The following SYNE2 variants were observed in gnomAD, a reference collection of about 807,000 sequenced individuals.
SYNE2 encodes nesprin-2.
Under a neutral mutation model 856.3 loss-of-function variants are expected in SYNE2, and 431 were observed. The ratio of observed to expected loss-of-function variants is 0.50; its 90% CI spans 0.47 to 0.55. The LOEUF is 0.55. Among genes scored for constraint, SYNE2 ranks in the 20% least tolerant of loss-of-function variants. The pLI, the probability that SYNE2 is intolerant of heterozygous loss-of-function variation, is 0.00. For synonymous variants in SYNE2, 2,923 were observed against 2,872.3 expected, an observed-to-expected ratio of 1.02 and a Z score of -0.56; for missense variants, 8,129 against 8,023.2, an observed-to-expected ratio of 1.01 and a Z score of -0.50.
chr14:64,078,374 A>G lies in SYNE2; in HGVS notation c.11023-92A>G, dbSNP rs371192227. 774 of 1,571,062 alleles carry G rather than the reference A, an allele frequency of 4.9e-4. 15 individuals are homozygous for G. In the South Asian group the frequency reaches 8.2e-3, roughly 17 times the overall value. ...AGCCCTTAAAAAATTTTTACAAGTTAAAACAGAGTGACTACCACTTTTGTT... is the reference window on the plus strand; with the variant it reads ...AGCCCTTAAAAAATTTTTACAAGTTGAAACAGAGTGACTACCACTTTTGTT... On this transcript the variant is annotated intron_variant, in intron 54 of 115. Coordinates refer to ENST00000555002, the MANE Select transcript of SYNE2 (RefSeq NM_182914.3).
chr14:64,220,581 C>G lies in SYNE2; in HGVS notation c.20005C>G (p.Gln6669Glu), dbSNP rs984688166. ...GCTGAGCCTGCTCTGGGAAGCAGCA[C>G]AGGGCGCAGTGGACAGCTGGAGAGG... Reference protein sequence around the residue: ...RQLSLLWEAAQGAVDSWRGGL... With the variant: ...RQLSLLWEAAEGAVDSWRGGL... Residue 6669 changes from glutamine (Q) to glutamate (E), a missense_variant, in exon 111 of 116, where the codon CAG becomes GAG. Physicochemically the swap from Gln to Glu is conservative, Grantham distance 29 (BLOSUM62 2). Around this residue, in one of 3 missense-constraint regions of SYNE2, gnomAD observed 5,410 missense variants for 5,284.8 expected, o/e 1.02. Transcript: ENST00000555002. 18 of 1,614,224 alleles carry G rather than the reference C, an allele frequency of 1.1e-5. No homozygotes were observed. Among genetic ancestry groups the G allele is most frequent in the Non-Finnish European group, 1.4e-5 (17 of 1,180,042 alleles).
intron 43 of SYNE2, among the ~76,000 whole-genome samples, chr14:64,029,485 T>G (rs2097013742): frequency 6.6e-6 from 1 of 152,206 alleles, no homozygotes; most frequent in Non-Finnish European, 1.5e-5. Context: ...TGAGGTTAGT[T>G]TGATCTCATA....
chr14:63,786,028 A>G (rs749002626), intron 1 of SYNE2, among the ~76,000 whole-genome samples: 1 of 152,134 alleles, frequency 6.6e-6, no homozygotes, highest in Non-Finnish European at 1.5e-5. Flanking sequence ...AGATGGGCGG[A>G]TCATCTGAGG....
Position 64,022,831 on chromosome 14 carries a change from AAG to A in SYNE2, c.5608_5609del (p.Ser1870CysfsTer10). The A allele has an allele frequency of 6.2e-7, 1 of 1,609,164 alleles. No individual in the cohort carries two copies. Among genetic ancestry groups the A allele is most frequent in the Non-Finnish European group, 8.5e-7 (1 of 1,175,946 alleles). The part of the protein sequence containing the change: ...KECFESSETK[K>X]SVEQKLQKLS... The stretch of plus-strand genomic sequence containing the variant: ...GTGTTTTGAATCATCAGAAACAAAA[AAG>A]AGTGTGGAACAAAAGCTACAAAAAC... On this transcript the variant is annotated frameshift_variant, in exon 38 of 116. Transcript: ENST00000555002. LOFTEE classifies it high-confidence loss of function.
rs745497222 is a variant in SYNE2 at position 64,212,831 on chromosome 14, A to T, written c.18882A>T (p.Thr6294=). The T allele has an allele frequency of 1.2e-6, 2 of 1,614,250 alleles. No homozygotes were observed. Among genetic ancestry groups the T allele is most frequent in the Non-Finnish European group, 1.7e-6 (2 of 1,180,044 alleles). Residue 6294 remains threonine (T), a synonymous_variant, in exon 105 of 116, where the codon ACA becomes ACT. Transcript: ENST00000555002. ...AACAGGGCTTCCAACAGGAAATTAC[A>T]TTAAATACCAACAAGATTGATCAGC... is the stretch of plus-strand genomic sequence containing the variant. ...RQLNGFQQEI[T]LNTNKIDQLI...
chr14:63,838,452 A>C (rs2139919155), intron 1 of SYNE2, among the ~76,000 whole-genome samples: 1 of 152,366 alleles, frequency 6.6e-6, no homozygotes, highest in South Asian at 2.1e-4. Context: ...TATTTTATTT[A>C]GAAAAATAAT....
At chr14:64,221,159 C>T (rs1035720474) in intron 111 of SYNE2, among the ~76,000 whole-genome samples, 4 of 152,116 alleles carry the variant, frequency 2.6e-5, no homozygotes, top group African/African-American at 7.2e-5. Flanking sequence ...AAATGCACAG[C>T]GGGTGTGAGC....
chr14:63,977,579 C>A (rs560484175), intron 12 of SYNE2, among the ~76,000 whole-genome samples: 1 of 152,196 alleles, frequency 6.6e-6, no homozygotes, highest in African/African-American at 2.4e-5. Context: ...AGCAAGACCC[C>A]ACCTCTACAG....
intron 9 of SYNE2, among the ~76,000 whole-genome samples, chr14:63,962,643 A>G (rs1422249966): frequency 6.6e-6 from 1 of 151,616 alleles, no homozygotes; most frequent in Non-Finnish European, 1.5e-5. Context: ...ACAGGCTTAA[A>G]TGATTCTCGT....
At chr14:64,094,855 C>G (rs1202549687) in intron 61 of SYNE2, among the ~76,000 whole-genome samples, 1 of 152,102 alleles carries the variant, frequency 6.6e-6, no homozygotes, top group Non-Finnish European at 1.5e-5. Flanking sequence ...AATAAACCCA[C>G]TACATATTAA....
chr14:64,028,880 G>A (rs1567096166), intron 43 of SYNE2, among the ~76,000 whole-genome samples: 2 of 152,184 alleles, frequency 1.3e-5, no homozygotes, highest in African/African-American at 2.4e-5. Flanking sequence ...CTCAACGCCT[G>A]TAATCCCAGC....
At position 64,017,656 on chromosome 14, in the gene SYNE2, A is replaced by G; in HGVS notation, c.4949A>G (p.Lys1650Arg). The change falls in exon 34 of 116, where the codon AAA becomes AGA. Residue 1650 changes from lysine to arginine, a missense_variant. Lys to Arg is a conservative substitution (Grantham distance 26). Around this residue, in one of 3 missense-constraint regions of SYNE2, gnomAD observed 2,422 missense variants for 2,357.4 expected, o/e 1.03. Coordinates refer to ENST00000555002, the MANE Select transcript of SYNE2 (RefSeq NM_182914.3). ...NLGRALALWDKLFNLKNVIDE... is the reference protein window; with the variant it reads ...NLGRALALWDRLFNLKNVIDE... The stretch of plus-strand genomic sequence containing the variant: ...GGTCGAGCTCTAGCTTTGTGGGACA[A>G]ACTTTTTAACTTAAAAAATGTCATT... 3 of 1,613,636 alleles carry G rather than the reference A, an allele frequency of 1.9e-6. No homozygotes were observed. Among genetic ancestry groups the G allele is most frequent in the Non-Finnish European group, 8.5e-7 (1 of 1,179,692 alleles).
chr14:64,066,275 G>A (rs1190777892), intron 51 of SYNE2, among the ~76,000 whole-genome samples: 1 of 152,110 alleles, frequency 6.6e-6, no homozygotes, highest in Non-Finnish European at 1.5e-5. Context: ...TGAGACAGGA[G>A]AATCGCTTGA....
chr14:63,865,724 C>CCCAA (rs1555352398), intron 1 of SYNE2, among the ~76,000 whole-genome samples: 22 of 95,398 alleles, frequency 2.3e-4, no homozygotes, highest in African/African-American at 6.7e-4. Flanking sequence ...ACCCCCCCCC[C>CCCAA]AAAAAAAAAG....
intron 2 of SYNE2, among the ~76,000 whole-genome samples, chr14:63,920,347 G>A (rs17101458): frequency 6.6e-6 from 1 of 151,528 alleles, no homozygotes; most frequent in Admixed American, 6.6e-5. Context: ...CTAAAAGATG[G>A]TAGCACATGA....
chr14:63,839,393 A>AT (rs1296936666), intron 1 of SYNE2, among the ~76,000 whole-genome samples: 1 of 151,884 alleles, frequency 6.6e-6, no homozygotes, highest in Non-Finnish European at 1.5e-5. Context: ...CCTCATTTAA[A>AT]TTTTTCTGAT....
At chr14:63,777,104 T>C (rs192582638) in intron 1 of SYNE2, among the ~76,000 whole-genome samples, 9 of 152,330 alleles carry the variant, frequency 5.9e-5, no homozygotes, top group African/African-American at 2.2e-4. Flanking sequence ...TAAACTACTG[T>C]CTGGGAGGAG....
chr14:63,967,781 G>A lies in SYNE2; in HGVS notation c.1063G>A (p.Asp355Asn). The change falls in exon 11 of 116, where the codon GAT becomes AAT. Residue 355 changes from aspartate to asparagine, a missense_variant. This residue lies in a region of SYNE2 where 2,422 missense variants were observed against 2,357.4 expected (regional missense o/e 1.03). Coordinates refer to ENST00000555002, the MANE Select transcript of SYNE2 (RefSeq NM_182914.3). ...TTTGGATGTCCTGTCAATAAAACGG[G>A]ATCTGGATGAGCTGGACAAGGATCA... ...SFLDVLSIKR[D>N]LDELDKDHLQ... 1 of 1,614,060 alleles carries A rather than the reference G, an allele frequency of 6.2e-7. No individual in the cohort carries two copies. The highest frequency in any genetic ancestry group is 8.5e-7 in the Non-Finnish European group (1 of 1,179,924).
chr14:63,800,737 C>T lies in SYNE2; in HGVS notation c.-305+38751C>T, dbSNP rs1888096885. On this transcript the variant is annotated intron_variant, in intron 1 of 23. Coordinates refer to the SYNE2 transcript ENST00000674003. The stretch of plus-strand genomic sequence containing the variant: ...CAGAAAACCAAATACCACATTTTCT[C>T]ACTTGTAAGTGGGAGCTAAATGATG... Among the ~76,000 whole-genome samples the T allele has an allele frequency of 2.0e-5, 3 of 152,188 alleles. No homozygotes were observed. The South Asian group carries it at 6.2e-4, about 32-fold the overall frequency.
Sources: gnomAD v4.1 joint callset for allele counts (sites outside exome capture counted in the v4.1 genomes callset) on GRCh38, gnomAD v4.1.1 for gene constraint, gnomAD v4.1.1 regional missense constraint, MANE v1.5 for transcripts, NCBI Gene and HGNC (gene_info 2026-07-23, HGNC 2026-07-21) for gene names.